The following EEF2K variants were observed in gnomAD, a reference collection of about 807,000 sequenced individuals.
The protein encoded by EEF2K is eukaryotic elongation factor 2 kinase, also known as alternative protein EEF2K.
Under a neutral mutation model 93.8 loss-of-function variants are expected in EEF2K, and 70 were observed. The ratio of observed to expected loss-of-function variants is 0.75; its 90% CI spans 0.62 to 0.91. EEF2K has a LOEUF of 0.91. Among genes scored for constraint, EEF2K ranks in the 40% least tolerant of loss-of-function variants. The pLI, the probability that EEF2K is intolerant of heterozygous loss-of-function variation, is 0.00. For missense variants in EEF2K, 935 were observed against 972.9 expected (o/e 0.96, Z 0.52); for synonymous variants, 376 against 380.8 (o/e 0.99, Z 0.15).
chr16:22,229,724 G>A (rs1005104312), intron 2 of EEF2K, among the ~76,000 whole-genome samples: 3 of 151,974 alleles, frequency 2.0e-5, no homozygotes, highest in East Asian at 1.9e-4. Flanking sequence ...GGGGAAAGGC[G>A]AACATTATTG....
At chr16:22,211,682 C>T (rs1001294489) in intron 1 of EEF2K, among the ~76,000 whole-genome samples, 3 of 152,052 alleles carry the variant, frequency 2.0e-5, no homozygotes, top group African/African-American at 4.8e-5. Flanking sequence ...AGGCTGGTCT[C>T]GAACTCCTGG....
intron 1 of EEF2K, among the ~76,000 whole-genome samples, chr16:22,222,643 G>T (rs1047154236): frequency 6.6e-6 from 1 of 150,682 alleles, no homozygotes; most frequent in Admixed American, 6.6e-5. Context: ...GCTGAGGTGG[G>T]CAGATCACAA....
At chr16:22,280,449 G>A in intron 17 of EEF2K, 73 bp downstream of exon 17, 1 of 1,336,584 alleles carries the variant, frequency 7.5e-7, no homozygotes, top group Non-Finnish European at 9.7e-7. Flanking sequence ...CATTCCACTG[G>A]GAGTTATTTA....
At chr16:22,273,804 C>A in intron 16 of EEF2K, 54 bp downstream of exon 16, 1 of 1,597,438 alleles carries the variant, frequency 6.3e-7, no homozygotes, top group South Asian at 1.1e-5. Context: ...TGCAGGTGGG[C>A]GCTTGTCCTC....
chr16:22,241,166 G>A (rs1290956266), intron 2 of EEF2K, among the ~76,000 whole-genome samples: 1 of 152,056 alleles, frequency 6.6e-6, no homozygotes, highest in Non-Finnish European at 1.5e-5. Flanking sequence ...CAGAGGAAGT[G>A]GATTAGGGAG....
intron 1 of EEF2K, among the ~76,000 whole-genome samples, chr16:22,216,119 C>T (rs80066101): frequency 4.5e-3 from 681 of 152,248 alleles, no homozygotes; most frequent in Non-Finnish European, 7.2e-3. Flanking sequence ...CAAACCCTGG[C>T]CATGCGGCTG....
At position 22,250,395 on chromosome 16, in the gene EEF2K, TC is replaced by T. The variant is rs373833937; in HGVS notation, c.409-258del. Among the ~76,000 whole-genome samples, 595 of 152,220 alleles carry T rather than the reference TC, an allele frequency of 3.9e-3. 5 individuals carry two copies. Among genetic ancestry groups the T allele is most frequent in the African/African-American group, 0.014 (568 of 41,546 alleles). On this transcript the variant is annotated intron_variant, in intron 4 of 17. Transcript: ENST00000263026. ...TCTGAGATGCACTGTCCCTCCCCCA[TC>T]ATCCTGCCCCCGTGGATTCTTCCCC... is the stretch of plus-strand genomic sequence containing the variant.
At chr16:22,207,136 G>T (rs1050891522) in intron 1 of EEF2K, among the ~76,000 whole-genome samples, 1 of 152,214 alleles carries the variant, frequency 6.6e-6, no homozygotes, top group East Asian at 1.9e-4. Context: ...TTGCTGCATT[G>T]TTGGCTGCGG....
At chr16:22,266,358 C>G (rs778357938) in intron 13 of EEF2K, 32 bp from the exon 14 acceptor site, 1 of 1,597,924 alleles carries the variant, frequency 6.3e-7, no homozygotes, top group Non-Finnish European at 8.5e-7. Flanking sequence ...ACCCCCAGCC[C>G]CTCGCTTCCC....
At chr16:22,232,309 C>CTT (rs1567267226) in intron 2 of EEF2K, among the ~76,000 whole-genome samples, 1 of 152,124 alleles carries the variant, frequency 6.6e-6, no homozygotes, top group Non-Finnish European at 1.5e-5. Flanking sequence ...TCACTGCAGC[C>CTT]TCTAACTCCT....
At chr16:22,242,067 C>T (rs191785991) in intron 2 of EEF2K, among the ~76,000 whole-genome samples, 2 of 152,178 alleles carry the variant, frequency 1.3e-5, no homozygotes, top group East Asian at 3.9e-4. Flanking sequence ...CGCTTGAGCC[C>T]AGGAGTTTTG....
At chr16:22,236,188 C>G (rs1198513202) in intron 2 of EEF2K, among the ~76,000 whole-genome samples, 4 of 152,170 alleles carry the variant, frequency 2.6e-5, no homozygotes, top group African/African-American at 9.7e-5. Flanking sequence ...ATTGTGGCCT[C>G]TACACACCAC....
At chr16:22,228,852 A>T (rs1446573539) in intron 2 of EEF2K, among the ~76,000 whole-genome samples, 1 of 152,260 alleles carries the variant, frequency 6.6e-6, no homozygotes, top group Non-Finnish European at 1.5e-5. Context: ...AGATAAGCTC[A>T]TAGCTGCAAC....
chr16:22,247,550 T>C (rs1450024957), intron 3 of EEF2K, among the ~76,000 whole-genome samples: 1 of 152,028 alleles, frequency 6.6e-6, no homozygotes, highest in Non-Finnish European at 1.5e-5. Context: ...TCCTACTCCA[T>C]ACACAAGAGA....
chr16:22,226,532 T>TTTTTTTTTTTTTTTTTTA, intron 2 of EEF2K, among the ~76,000 whole-genome samples: 1 of 148,658 alleles, frequency 6.7e-6, no homozygotes, highest in South Asian at 2.1e-4. Flanking sequence ...TTTTTTTTTT[T>TTTTTTTTTTTTTTTTTTA]ATAAACGTGG....
intron 9 of EEF2K, among the ~76,000 whole-genome samples, chr16:22,258,055 G>GT (rs955092905): frequency 6.6e-6 from 1 of 151,940 alleles, no homozygotes; most frequent in East Asian, 1.9e-4. Context: ...GAAGGCATGT[G>GT]GTGTGTGTGT....
At chr16:22,282,105 ATTGTT>A (rs1282021198) in intron 17 of EEF2K, among the ~76,000 whole-genome samples, 2 of 152,056 alleles carry the variant, frequency 1.3e-5, no homozygotes, top group Non-Finnish European at 2.9e-5. Flanking sequence ...TACAAAAGAA[ATTGTT>A]TTAATTAACT....
chr16:22,237,817 T>A (rs1335274326), intron 2 of EEF2K, among the ~76,000 whole-genome samples: 1 of 152,180 alleles, frequency 6.6e-6, no homozygotes. Flanking sequence ...TATAAATTAC[T>A]TTTCAGACCT....
intron 16 of EEF2K, among the ~76,000 whole-genome samples, chr16:22,275,781 C>T (rs1329503200): frequency 6.6e-6 from 1 of 151,864 alleles, no homozygotes; most frequent in Non-Finnish European, 1.5e-5. Flanking sequence ...GCTGGAACTA[C>T]AGATGTGCAT....
Sources: allele counts gnomAD v4.1 joint callset (sites outside exome capture counted in the v4.1 genomes callset), GRCh38; gene constraint gnomAD v4.1.1; transcripts MANE v1.5; gene names NCBI Gene and HGNC (gene_info 2026-07-23, HGNC 2026-07-21).